Variants in TPRG1 observed in about 807,000 individuals in gnomAD.
TPRG1 encodes tumor protein p63-regulated gene 1 protein.
In TPRG1, 29 loss-of-function variants were observed where a neutral mutation model predicts 29.3. The observed-to-expected ratio is 0.99, with a 90% CI of 0.74 to 1.35. TPRG1 has a LOEUF of 1.35. TPRG1 is among the 40% of genes most tolerant of loss of function. The probability of loss-of-function intolerance (pLI) is 0.00; values close to 1 mark genes in which losing one functional copy is unlikely to be tolerated. For missense variants in TPRG1, 327 were observed against 335.0 expected (o/e 0.98, Z 0.19); for synonymous variants, 130 against 116.8 (o/e 1.11, Z -0.73).
chr3:189,207,270 T>C (rs1486997354), intron 1 of TPRG1, 106 bp from the exon 2 acceptor site: 12 of 1,460,086 alleles, frequency 8.2e-6, no homozygotes, highest in Middle Eastern at 4.0e-4. Flanking sequence ...AGGATGTTTT[T>C]AAGTTTCAGG....
At chr3:189,094,677 C>T (rs1206023874) in intron 4 of TPRG1, among the ~76,000 whole-genome samples, 1 of 152,180 alleles carries the variant, frequency 6.6e-6, no homozygotes, top group African/African-American at 2.4e-5. Flanking sequence ...AATTGATTTT[C>T]TCTTGCCTGC....
At chr3:189,131,595 C>T (rs1012315125) in intron 2 of TPRG1, among the ~76,000 whole-genome samples, 1 of 152,162 alleles carries the variant, frequency 6.6e-6, no homozygotes, top group Non-Finnish European at 1.5e-5. Context: ...AATGCTCAGT[C>T]AATAAACGAA....
intron 3 of TPRG1, among the ~76,000 whole-genome samples, chr3:189,019,566 A>AT: frequency 6.6e-6 from 1 of 152,330 alleles, no homozygotes; most frequent in East Asian, 1.9e-4. Flanking sequence ...CCAGCCTTGC[A>AT]TCCCAGGGAT....
intron 4 of TPRG1, among the ~76,000 whole-genome samples, chr3:189,303,551 A>G (rs1366719643): frequency 6.6e-6 from 1 of 152,152 alleles, no homozygotes; most frequent in Non-Finnish European, 1.5e-5. Flanking sequence ...TTTTTTGACT[A>G]CCAGTCCAGG....
intron 4 of TPRG1, among the ~76,000 whole-genome samples, chr3:189,253,355 G>T (rs1742581352): frequency 6.6e-6 from 1 of 152,138 alleles, no homozygotes; most frequent in Admixed American, 6.6e-5. Context: ...GTGGTGTTTG[G>T]TTTTCTGTTC....
intron 4 of TPRG1, among the ~76,000 whole-genome samples, chr3:189,077,843 T>G (rs1717284442): frequency 6.6e-6 from 1 of 152,178 alleles, no homozygotes; most frequent in South Asian, 2.1e-4. Context: ...CACTGTTAGC[T>G]TTGCATTTGT....
At chr3:189,199,664 C>A (rs535083108) in intron 1 of TPRG1, among the ~76,000 whole-genome samples, 61 of 152,210 alleles carry the variant, frequency 4.0e-4, no homozygotes, top group African/African-American at 9.6e-4. Context: ...AATGGTGAAA[C>A]CCTGTCTCTA....
intron 3 of TPRG1, among the ~76,000 whole-genome samples, chr3:189,231,802 G>T (rs1034320505): frequency 6.6e-6 from 1 of 152,182 alleles, no homozygotes; most frequent in African/African-American, 2.4e-5. Flanking sequence ...TAAAAGAGAT[G>T]ATATGTGCAT....
At chr3:189,250,960 C>T (rs73184456) in intron 4 of TPRG1, among the ~76,000 whole-genome samples, 33 of 151,988 alleles carry the variant, frequency 2.2e-4, no homozygotes, top group Non-Finnish European at 3.7e-4. Context: ...CTATTGATCG[C>T]GGGCCTTAAA....
At chr3:189,007,071 C>A (rs1211980279) in intron 3 of TPRG1, among the ~76,000 whole-genome samples, 3 of 151,848 alleles carry the variant, frequency 2.0e-5, no homozygotes, top group African/African-American at 7.3e-5. Context: ...TAAAGAGCTT[C>A]TGCACAGCAA....
chr3:189,186,656 A>T (rs1023537047), intron 1 of TPRG1, among the ~76,000 whole-genome samples: 3 of 152,098 alleles, frequency 2.0e-5, no homozygotes, highest in African/African-American at 7.2e-5. Context: ...TTGTATTAGA[A>T]TGAGGGCTCC....
upstream of TPRG1, among the ~76,000 whole-genome samples, chr3:189,097,217 G>A (rs559133729): frequency 6.6e-6 from 1 of 152,212 alleles, no homozygotes; most frequent in East Asian, 1.9e-4. Flanking sequence ...AAGTATTGGG[G>A]AGCTGTTAAG....
intron 4 of TPRG1, among the ~76,000 whole-genome samples, chr3:189,078,050 T>C (rs147499692): frequency 1.8e-4 from 27 of 146,682 alleles, no homozygotes; most frequent in African/African-American, 6.2e-4. Context: ...CTTCCTTCCT[T>C]CCTTCCTTCC....
chr3:189,209,209 G>A (rs890928931), intron 2 of TPRG1, among the ~76,000 whole-genome samples: 4 of 152,186 alleles, frequency 2.6e-5, no homozygotes, highest in Non-Finnish European at 5.9e-5. Context: ...GGAAGGAGAC[G>A]CAGGTACAGG....
At chr3:189,190,965 C>A (rs1388688897) in intron 1 of TPRG1, 11 of 985,214 alleles carry the variant, frequency 1.1e-5, no homozygotes, top group Non-Finnish European at 1.1e-5. Context: ...TTCACAGAAG[C>A]AAGGAAATGC....
At chr3:189,018,336 T>A (rs1713074453) in intron 3 of TPRG1, among the ~76,000 whole-genome samples, 1 of 149,824 alleles carries the variant, frequency 6.7e-6, no homozygotes, top group African/African-American at 2.5e-5. Flanking sequence ...AATGCCTAGG[T>A]TTTCTTCTGG....
chr3:189,096,979 C>T (rs1022597698), upstream of TPRG1, among the ~76,000 whole-genome samples: 3 of 152,150 alleles, frequency 2.0e-5, no homozygotes, highest in African/African-American at 4.8e-5. Context: ...GGATCTGGAA[C>T]TATATGAATG....
At chr3:189,098,843 T>G (rs1415075579), upstream of TPRG1, among the ~76,000 whole-genome samples, 1 of 152,122 alleles carries the variant, frequency 6.6e-6, no homozygotes, top group African/African-American at 2.4e-5. Context: ...TGTTTTTCCC[T>G]ATGTAGAAAA....
At chr3:189,281,048 T>C (rs1289980502) in intron 4 of TPRG1, among the ~76,000 whole-genome samples, 1 of 152,186 alleles carries the variant, frequency 6.6e-6, no homozygotes, top group East Asian at 1.9e-4. Flanking sequence ...TCAGGCCCAA[T>C]AACTGACATG....
Sources: gnomAD v4.1 joint callset for allele counts (sites outside exome capture counted in the v4.1 genomes callset) on GRCh38, gnomAD v4.1.1 for gene constraint, MANE v1.5 for transcripts, NCBI Gene and HGNC (gene_info 2026-07-23, HGNC 2026-07-21) for gene names.